The following INVS variants were observed in gnomAD, a reference collection of about 807,000 sequenced individuals.
INVS encodes inversion of embryo turning homolog.
INVS carries 86 observed loss-of-function variants against 108.8 expected under a neutral mutation model. That is an observed-to-expected ratio of 0.79 (90% CI 0.66 to 0.95). The LOEUF is 0.95. INVS is among the 40% of genes least tolerant of loss of function. The pLI, the probability that INVS is intolerant of heterozygous loss-of-function variation, is 0.00. For synonymous variants in INVS, 455 were observed against 473.5 expected (o/e 0.96, Z 0.51); for missense variants, 1,169 against 1,297.4 (o/e 0.90, Z 1.52).
chr9:100,160,357 A>G (rs1474157703), intron 3 of INVS, among the ~76,000 whole-genome samples: 1 of 152,218 alleles, frequency 6.6e-6, no homozygotes, highest in Non-Finnish European at 1.5e-5. Flanking sequence ...TTCAAATGGA[A>G]TGCATCTATA....
At chr9:100,288,745 C>T (rs569226806) in intron 13 of INVS, among the ~76,000 whole-genome samples, 66 of 151,994 alleles carry the variant, frequency 4.3e-4, no homozygotes, top group Non-Finnish European at 7.6e-4. Context: ...CTCAGCCTCC[C>T]GGGTGGCTAG....
chr9:100,193,155 T>G (rs909470068), intron 3 of INVS, among the ~76,000 whole-genome samples: 2 of 152,008 alleles, frequency 1.3e-5, no homozygotes, highest in African/African-American at 2.4e-5. Flanking sequence ...TTTTTAAAAT[T>G]TTTTTGTAGA....
At chr9:100,179,055 G>A (rs916081857) in intron 3 of INVS, among the ~76,000 whole-genome samples, 7 of 152,172 alleles carry the variant, frequency 4.6e-5, no homozygotes, top group Non-Finnish European at 8.8e-5. Flanking sequence ...ATAAGCGAAG[G>A]AGAAATAAAA....
rs551856206 is a variant in INVS, at chr9:100,126,788, GA to G, written c.273+245del. 4.4e-3 allele frequency among the ~76,000 whole-genome samples: 675 copies of G among 152,050 alleles called. 3 individuals carry two copies. Among genetic ancestry groups the G allele is most frequent in the African/African-American group, 0.016 (649 of 41,488 alleles). On this transcript the variant is annotated intron_variant, in intron 3 of 16. Coordinates refer to ENST00000262457, the MANE Select transcript of INVS (RefSeq NM_014425.5). ...TATTCTGTGATCTAAAGTTTATTGG[GA>G]AAAAAGTGATCAAATTTATATATAC...
Position 100,197,796 on chromosome 9 carries a change from T to C in INVS, c.274-28266T>C, listed in dbSNP as rs531062393. Among the ~76,000 whole-genome samples the C allele has an allele frequency of 5.3e-5, 8 of 152,318 alleles. No homozygotes were observed. The South Asian group carries it at 1.7e-3, about 32-fold the overall frequency. On this transcript the variant is annotated intron_variant, in intron 3 of 16. Coordinates refer to ENST00000262457, the MANE Select transcript of INVS (RefSeq NM_014425.5). ...CAAAGCTCTTTTGAAACAGAGGTCTTGTAACCTACAGTCAGACAAGGTAGG... is the reference window on the plus strand; with the variant it reads ...CAAAGCTCTTTTGAAACAGAGGTCTCGTAACCTACAGTCAGACAAGGTAGG...
In INVS at chr9:100,299,628, TTTTA is replaced by T. The variant is rs573083343; in HGVS notation, c.3092-937_3092-934del. 2.8e-3 allele frequency among the ~76,000 whole-genome samples: 299 copies of T among 108,322 alleles called. 2 individuals are homozygous for T. Among genetic ancestry groups the T allele is most frequent in the African/African-American group, 0.011 (282 of 26,704 alleles). The allele number at this position is 108,322 out of a possible 152,430, so 71.1% of individuals were successfully genotyped here. ...ACCCACCAAGAATCTCAGCAGAGCC[TTTTA>T]TTGACACACACACACACACACACAC... is the stretch of plus-strand genomic sequence containing the variant. On this transcript the variant is annotated intron_variant, in intron 16 of 16. Transcript: ENST00000262457.
chr9:100,230,334 A>G (rs924139945), intron 5 of INVS, among the ~76,000 whole-genome samples: 37 of 152,158 alleles, frequency 2.4e-4, no homozygotes, highest in African/African-American at 8.0e-4. Flanking sequence ...ACTGTCTTCA[A>G]TCTTGTGTTA....
intron 2 of INVS, among the ~76,000 whole-genome samples, chr9:100,105,401 G>T (rs995524136): frequency 6.6e-6 from 1 of 152,070 alleles, no homozygotes; most frequent in Non-Finnish European, 1.5e-5. Context: ...CTAAGCTAGA[G>T]GTTACTTCTA....
intron 3 of INVS, among the ~76,000 whole-genome samples, chr9:100,134,454 A>T (rs1014266013): frequency 2.0e-5 from 3 of 152,202 alleles, no homozygotes; most frequent in Non-Finnish European, 2.9e-5. Context: ...CTCTGGGTAG[A>T]TACCGAGTAA....
At chr9:100,208,446 G>A (rs1225770690) in intron 3 of INVS, among the ~76,000 whole-genome samples, 1 of 152,128 alleles carries the variant, frequency 6.6e-6, no homozygotes, top group Non-Finnish European at 1.5e-5. Context: ...CTGTATATTT[G>A]TCTTTTCCCA....
chr9:100,261,367 G>A (rs1442704515), intron 10 of INVS, among the ~76,000 whole-genome samples: 2 of 151,064 alleles, frequency 1.3e-5, no homozygotes, highest in East Asian at 2.0e-4. Flanking sequence ...CCGGGTTCGC[G>A]CCATTCTTCT....
At chr9:100,139,536 A>G (rs1166905482) in intron 3 of INVS, among the ~76,000 whole-genome samples, 1 of 152,174 alleles carries the variant, frequency 6.6e-6, no homozygotes, top group African/African-American at 2.4e-5. Context: ...CAAAATCTCA[A>G]TTTCAGCATA....
intron 3 of INVS, among the ~76,000 whole-genome samples, chr9:100,147,541 A>G (rs1171361444): frequency 2.0e-5 from 3 of 152,190 alleles, no homozygotes; most frequent in African/African-American, 7.2e-5. Context: ...TGCTCCTGGG[A>G]TAGTTATCTA....
intron 3 of INVS, among the ~76,000 whole-genome samples, chr9:100,157,480 A>G (rs1275251496): frequency 2.0e-5 from 3 of 151,788 alleles, no homozygotes; most frequent in African/African-American, 7.3e-5. Flanking sequence ...GTTAGCCAGG[A>G]TGGTCTCGAT....
intron 13 of INVS, among the ~76,000 whole-genome samples, chr9:100,288,012 G>C (rs576075066): frequency 2.5e-4 from 38 of 152,224 alleles, no homozygotes; most frequent in African/African-American, 8.7e-4. Context: ...AACAAACAGT[G>C]GTAAGACAGG....
Position 100,246,635 on chromosome 9 carries a change from T to C in INVS, c.926T>C (p.Leu309Ser). The C allele has an allele frequency of 1.2e-6, 2 of 1,613,886 alleles. No individual in the cohort carries two copies. The highest frequency in any genetic ancestry group is 1.7e-6 in the Non-Finnish European group (2 of 1,179,802). ...TTACAGGAAACGGTTAAAGTGTTTT[T>C]AAAACATCCTTCAGTGAAAGATGAT... ...SNFAETVKVF[L>S]KHPSVKDDSD... is the part of the protein sequence containing the mutation. Residue 309 changes from leucine (L) to serine (S), a missense_variant, in exon 8 of 17, where the codon TTA becomes TCA. By Grantham distance (145) the Leu-to-Ser change is moderately radical. Coordinates refer to ENST00000262457, the MANE Select transcript of INVS (RefSeq NM_014425.5).
At chr9:100,178,036 C>T (rs1298555828) in intron 3 of INVS, among the ~76,000 whole-genome samples, 1 of 152,082 alleles carries the variant, frequency 6.6e-6, no homozygotes, top group East Asian at 1.9e-4. Context: ...AGAATAGGGG[C>T]CTGACTATTA....
At chr9:100,173,274 C>T (rs1467884072) in intron 3 of INVS, among the ~76,000 whole-genome samples, 2 of 152,128 alleles carry the variant, frequency 1.3e-5, no homozygotes, top group African/African-American at 4.8e-5. Flanking sequence ...TGTAATCAGC[C>T]CTTGGAAGAC....
intron 4 of INVS, among the ~76,000 whole-genome samples, 200 bp from the exon 5 acceptor site, chr9:100,229,460 T>C (rs1195010265): frequency 2.0e-5 from 3 of 152,206 alleles, no homozygotes; most frequent in African/African-American, 7.2e-5. Flanking sequence ...TTAAAACTTA[T>C]GAATTGTTTA....
Sources: allele counts gnomAD v4.1 joint callset (sites outside exome capture counted in the v4.1 genomes callset), GRCh38; gene constraint gnomAD v4.1.1; transcripts MANE v1.5; gene names NCBI Gene and HGNC (gene_info 2026-07-23, HGNC 2026-07-21).